The following NONO variants were observed in gnomAD, a reference collection of about 807,000 sequenced individuals.
The protein encoded by NONO is non-POU domain containing octamer binding.
A neutral mutation model predicts 40.2 loss-of-function variants in NONO; 6 were observed. The ratio of observed to expected loss-of-function variants is 0.15; its 90% CI spans 0.08 to 0.29. NONO has a LOEUF of 0.29. Among genes scored for constraint, NONO ranks in the 10% least tolerant of loss-of-function variants. NONO has a pLI of 1.00. For synonymous variants in NONO, 89 were observed against 123.3 expected (o/e 0.72, Z 1.85); for missense variants, 133 against 397.8 (o/e 0.33, Z 5.66).
intron 1 of NONO, chrX:71,284,039 TATG>T (rs2031134344): frequency 8.9e-6 from 1 of 111,864 alleles, no homozygotes; most frequent in Admixed American, 9.5e-5. Flanking sequence ...TGGGGTCTAT[TATG>T]AGAGATCGCT....
At chrX:71,297,169 T>C in intron 7 of NONO, 122 bp downstream of exon 7, 1 of 730,991 alleles carries the variant, frequency 1.4e-6, no homozygotes, top group Non-Finnish European at 2.0e-6. Context: ...TGCGTTGATT[T>C]TGGTAGATAA....
chrX:71,286,270 T>G (rs190880576), intron 2 of NONO, among the ~76,000 whole-genome samples: 1 of 111,826 alleles, frequency 8.9e-6, no homozygotes, highest in Admixed American at 9.6e-5. Context: ...TCAGATGTTG[T>G]GAGGTTTACC....
intron 2 of NONO, among the ~76,000 whole-genome samples, chrX:71,289,927 A>G (rs968965797): frequency 1.8e-5 from 2 of 110,938 alleles, no homozygotes; most frequent in East Asian, 2.8e-4. Flanking sequence ...GCCCGCTACC[A>G]TTCCTGGGTA....
intron 7 of NONO, 102 bp from the exon 8 acceptor site, chrX:71,297,275 A>C: frequency 1.2e-6 from 1 of 859,753 alleles, no homozygotes; most frequent in Non-Finnish European, 1.6e-6. Flanking sequence ...AGGTGGTTCC[A>C]AAGGAATTAG....
chrX:71,297,954 G>GC lies in NONO; in HGVS notation c.1131+19dup, dbSNP rs1177144365. 2.8e-6 allele frequency: 3 copies of GC among 1,059,777 alleles called. No individual in the cohort carries two copies. The highest frequency in any genetic ancestry group is 3.9e-6 in the Non-Finnish European group (3 of 760,582). 87.3% of individuals were successfully genotyped at this position (1,059,777 alleles called of 1,213,427 possible). On this transcript the variant is annotated intron_variant, in intron 9 of 11. Coordinates refer to ENST00000276079, the MANE Select transcript of NONO (RefSeq NM_007363.5). ...CCCTGATGCGGTATATCTCCCATGT[G>GC]CCCGTGATGTACCAGACCAGTCCTG... is the stretch of plus-strand genomic sequence containing the variant.
At chrX:71,287,463 G>A (rs1355205132) in intron 2 of NONO, among the ~76,000 whole-genome samples, 3 of 110,670 alleles carry the variant, frequency 2.7e-5, no homozygotes, top group Admixed American at 1.9e-4. Context: ...CTGCAATCTC[G>A]TCCTCCTTGG....
rs773011630 is a variant in NONO at position 71,294,358 on chromosome X, C to T, written c.480C>T (p.Ser160=). 1 of 1,210,217 alleles carries T rather than the reference C, an allele frequency of 8.3e-7. No individual in the cohort carries two copies. The highest frequency in any genetic ancestry group is 1.7e-5 in the African/African-American group (1 of 57,233). Residue 160 remains serine (S), a synonymous_variant, in exon 5 of 12, where the codon TCC becomes TCT. Coordinates refer to ENST00000276079, the MANE Select transcript of NONO (RefSeq NM_007363.5). ...TTCGAAACCTTCCTCAGTATGTGTC[C>T]AACGAACTGCTGGAAGAAGCCTTTT... ...LTVRNLPQYV[S]NELLEEAFSV...
intron 5 of NONO, among the ~76,000 whole-genome samples, chrX:71,296,145 C>CTTTTTTTTTTTT (rs757644657): frequency 1.1e-5 from 1 of 93,962 alleles, no homozygotes; most frequent in Non-Finnish European, 2.1e-5. Context: ...TTTTTCTTTT[C>CTTTTTTTTTTTT]TTTTTTTTTT....
chrX:71,298,916 A>G, intron 11 of NONO, 100 bp downstream of exon 11: 1 of 579,567 alleles, frequency 1.7e-6, no homozygotes, highest in East Asian at 3.6e-5. Flanking sequence ...AGTTTGCTAT[A>G]GATAGCAGTC....
intron 2 of NONO, chrX:71,285,052 A>C (rs1025648214): frequency 1.8e-5 from 2 of 112,521 alleles, no homozygotes; most frequent in African/African-American, 6.5e-5. Flanking sequence ...TCCAAATTAT[A>C]TTGGTGGTCA....
intron 4 of NONO, among the ~76,000 whole-genome samples, chrX:71,293,659 T>G (rs923478029): frequency 2.7e-5 from 3 of 109,431 alleles, no homozygotes; most frequent in Non-Finnish European, 5.7e-5. Flanking sequence ...TGAGACGGAG[T>G]TTTGCTTTGT....
intron 9 of NONO, 52 bp downstream of exon 9, chrX:71,297,990 C>T: frequency 1.2e-6 from 1 of 817,905 alleles, no homozygotes; most frequent in Non-Finnish European, 1.8e-6. Flanking sequence ...ATAAACTCAC[C>T]ATGAATTGTC....
In NONO at chrX:71,300,932, A is replaced by G. The variant is rs1201213102; in HGVS notation, c.*856A>G. ...ACCCAGGAATGACCCTTTTGTGTCT[A>G]TGATGTTGCTGTTCACAGCTTTTCT... On this transcript the variant is annotated 3_prime_UTR_variant, in exon 12 of 12. Coordinates refer to ENST00000276079, the MANE Select transcript of NONO (RefSeq NM_007363.5). 2 of 158,484 alleles carry G rather than the reference A, an allele frequency of 1.3e-5. No individual in the cohort carries two copies. Among genetic ancestry groups the G allele is most frequent in the African/African-American group, 6.1e-5 (2 of 32,866 alleles). 13.1% of individuals were successfully genotyped at this position (158,484 alleles called of 1,213,427 possible). A position where few individuals can be genotyped will look rare whatever the true frequency, so the allele number is the denominator to read the frequency against.
At position 71,301,081 on chromosome X, in the gene NONO, T is replaced by C. The variant is rs1220886148; in HGVS notation, c.*1005T>C. The C allele has an allele frequency of 6.8e-6, 1 of 147,287 alleles. No homozygotes were observed. The highest frequency in any genetic ancestry group is 1.4e-5 in the Non-Finnish European group (1 of 73,485). 12.1% of individuals were successfully genotyped at this position (147,287 alleles called of 1,213,427 possible). ...TTTTTTTTTCATTGGTGTACTGTGTTTGATTTGTCTCATATATTTGGAGTT... is the reference window on the plus strand; with the variant it reads ...TTTTTTTTTCATTGGTGTACTGTGTCTGATTTGTCTCATATATTTGGAGTT... On this transcript the variant is annotated 3_prime_UTR_variant, in exon 12 of 12. Coordinates refer to ENST00000276079, the MANE Select transcript of NONO (RefSeq NM_007363.5).
rs1307301189 is a variant in NONO at position 71,300,066 on chromosome X, G to A, written c.1406G>A (p.Arg469His). Reference sequence around the variant, plus strand: ...GCTGAATTTGCCCCAAACAAACGTCGCCGATACTAATAAGTTGCAGTGTCT... The same window carrying A: ...GCTGAATTTGCCCCAAACAAACGTCACCGATACTAATAAGTTGCAGTGTCT... ...PGAEFAPNKR[R>H]RY The change falls in exon 12 of 12, where the codon CGC (arginine) becomes CAC (histidine). Residue 469 changes from arginine to histidine, a missense_variant. Coordinates refer to ENST00000276079, the MANE Select transcript of NONO (RefSeq NM_007363.5). 3.3e-6 allele frequency: 4 copies of A among 1,208,686 alleles called. No homozygotes were observed. The highest frequency in any genetic ancestry group is 1.1e-6 in the Non-Finnish European group (1 of 894,792).
Position 71,300,564 on chromosome X carries a change from C to T in NONO, c.*488C>T, listed in dbSNP as rs2031561816. ...ACTCCTGACCTCGTGATCTACCCAC[C>T]TCGGCCTCCCAAAATGCTGGGATTA... On this transcript the variant is annotated 3_prime_UTR_variant, in exon 12 of 12. Coordinates refer to ENST00000276079, the MANE Select transcript of NONO (RefSeq NM_007363.5). The T allele has an allele frequency of 5.2e-6, 1 of 190,489 alleles. No individual in the cohort carries two copies. Among genetic ancestry groups the T allele is most frequent in the South Asian group, 1.7e-4 (1 of 5,848 alleles). The allele number at this position is 190,489 out of a possible 1,213,427, so 15.7% of individuals were successfully genotyped here. A position where few individuals can be genotyped will look rare whatever the true frequency, so the allele number is the denominator to read the frequency against.
At chrX:71,295,154 AGAG>A (rs1240475434) in intron 5 of NONO, among the ~76,000 whole-genome samples, 2 of 107,017 alleles carry the variant, frequency 1.9e-5, no homozygotes, top group Non-Finnish European at 1.9e-5. Flanking sequence ...CCTGGAAGGC[AGAG>A]GTTGCAGTGA....
intron 2 of NONO, among the ~76,000 whole-genome samples, chrX:71,289,494 T>C (rs2031276327): frequency 9.0e-6 from 1 of 111,461 alleles, no homozygotes; most frequent in Admixed American, 9.6e-5. Context: ...GGTTTCACCA[T>C]GTTAGGCAGG....
intron 4 of NONO, among the ~76,000 whole-genome samples, chrX:71,293,225 C>T (rs937506644): frequency 9.0e-6 from 1 of 111,566 alleles, no homozygotes; most frequent in African/African-American, 3.3e-5. Flanking sequence ...GAAAGGGATC[C>T]TGTCAAGGTT....
Sources: allele counts gnomAD v4.1 joint callset (sites outside exome capture counted in the v4.1 genomes callset), GRCh38; gene constraint gnomAD v4.1.1; transcripts MANE v1.5; gene names NCBI Gene and HGNC (gene_info 2026-07-23, HGNC 2026-07-21).